The following HS6ST3 variants were observed in gnomAD, a reference collection of about 807,000 sequenced individuals.
The protein encoded by HS6ST3 is heparan sulfate 6-O-sulfotransferase 3.
HS6ST3 carries 12 observed loss-of-function variants against 36.7 expected under a neutral mutation model. The ratio of observed to expected loss-of-function variants is 0.33; its 90% CI spans 0.21 to 0.53. The LOEUF (loss-of-function observed/expected upper bound fraction) is 0.53. Among genes scored for constraint, HS6ST3 ranks in the 20% least tolerant of loss-of-function variants. The pLI, the probability that HS6ST3 is intolerant of heterozygous loss-of-function variation, is 0.95. For missense variants in HS6ST3, 584 were observed against 640.9 expected (o/e 0.91, Z 0.96); for synonymous variants, 240 against 257.5 (o/e 0.93, Z 0.65).
intron 1 of HS6ST3, among the ~76,000 whole-genome samples, chr13:96,363,893 C>T (rs138212779): frequency 2.0e-5 from 3 of 151,916 alleles, no homozygotes; most frequent in East Asian, 1.9e-4. Flanking sequence ...AGAGAACACT[C>T]GCTATTTCTC....
intron 1 of HS6ST3, among the ~76,000 whole-genome samples, chr13:96,252,498 T>C (rs1036027469): frequency 2.0e-5 from 3 of 152,154 alleles, no homozygotes; most frequent in East Asian, 3.9e-4. Flanking sequence ...TGCAGTCAGG[T>C]CTTGTGCTGA....
At chr13:96,585,715 T>G (rs1004434413) in intron 1 of HS6ST3, among the ~76,000 whole-genome samples, 22 of 152,202 alleles carry the variant, frequency 1.4e-4, no homozygotes, top group African/African-American at 5.1e-4. Flanking sequence ...GTATTTGTAT[T>G]TCTGTGCTTG....
At chr13:96,469,731 A>T (rs907659125) in intron 1 of HS6ST3, among the ~76,000 whole-genome samples, 1 of 151,992 alleles carries the variant, frequency 6.6e-6, no homozygotes, top group Non-Finnish European at 1.5e-5. Flanking sequence ...GGTGATGGTG[A>T]TGGTGGTGAT....
chr13:96,285,593 G>A (rs1187436186), intron 1 of HS6ST3, among the ~76,000 whole-genome samples: 2 of 152,254 alleles, frequency 1.3e-5, no homozygotes, highest in African/African-American at 2.4e-5. Context: ...AATATTTACC[G>A]TTACTCTAAT....
intron 1 of HS6ST3, among the ~76,000 whole-genome samples, chr13:96,545,786 C>T (rs778222450): frequency 1.3e-5 from 2 of 152,018 alleles, no homozygotes; most frequent in Admixed American, 6.6e-5. Flanking sequence ...TAGGAAAATC[C>T]GATAGCTACT....
At chr13:96,778,788 A>G (rs1366904608) in intron 1 of HS6ST3, among the ~76,000 whole-genome samples, 1 of 152,188 alleles carries the variant, frequency 6.6e-6, no homozygotes, top group Non-Finnish European at 1.5e-5. Context: ...AGAACCAGAA[A>G]TAGCATTTGA....
chr13:96,712,591 A>G (rs1566436078), intron 1 of HS6ST3, among the ~76,000 whole-genome samples: 1 of 152,170 alleles, frequency 6.6e-6, no homozygotes, highest in Non-Finnish European at 1.5e-5. Context: ...GGGAGCGCCA[A>G]ATAGCAGTTT....
intron 1 of HS6ST3, among the ~76,000 whole-genome samples, chr13:96,681,268 C>A (rs2056717500): frequency 6.6e-6 from 1 of 152,126 alleles, no homozygotes; most frequent in Non-Finnish European, 1.5e-5. Context: ...TGTTTGCAAC[C>A]AATCACCTTT....
chr13:96,099,420 G>A (rs957800989), intron 1 of HS6ST3, among the ~76,000 whole-genome samples: 1 of 152,126 alleles, frequency 6.6e-6, no homozygotes, highest in Non-Finnish European at 1.5e-5. Context: ...TATTCACTGG[G>A]CACTCAGTCC....
intron 1 of HS6ST3, among the ~76,000 whole-genome samples, chr13:96,424,513 G>A (rs401152): frequency 0.027 from 4,181 of 152,240 alleles, 204 homozygotes; most frequent in African/African-American, 0.096. Context: ...ACCATCAACT[G>A]GATAGCATAC....
chr13:96,688,244 A>ATAATAAT lies in HS6ST3; in HGVS notation c.708-144246_708-144245insTAATAAT, dbSNP rs1566430088. On this transcript the variant is annotated intron_variant, in intron 1 of 1. Transcript: ENST00000376705. ...AATAATAATCATCATCATCATAATA[A>ATAATAAT]AAAGACTCTCTCTGGCTTCAAATTT... Among the ~76,000 whole-genome samples, 6 of 150,936 alleles carry ATAATAAT rather than the reference A, an allele frequency of 4.0e-5. 1 individual carries two copies. Among genetic ancestry groups the ATAATAAT allele is most frequent in the Admixed American group, 6.6e-5 (1 of 15,106 alleles).
rs74323006 is a variant in HS6ST3, at chr13:96,663,461, A to G, written c.708-169029A>G. Reference sequence around the variant, plus strand: ...TAAAGCCACAGTTAGGTGCCATTATATATCCATAAGAATGGCTAAAATCAA... The same window carrying G: ...TAAAGCCACAGTTAGGTGCCATTATGTATCCATAAGAATGGCTAAAATCAA... On this transcript the variant is annotated intron_variant, in intron 1 of 1. Coordinates refer to ENST00000376705, the MANE Select transcript of HS6ST3 (RefSeq NM_153456.4). Among the ~76,000 whole-genome samples the G allele has an allele frequency of 1.9e-3, 293 of 152,334 alleles. 3 individuals carry two copies. In the East Asian group the frequency reaches 0.033, roughly 17 times the overall value.
intron 1 of HS6ST3, among the ~76,000 whole-genome samples, chr13:96,275,540 A>G (rs2054743989): frequency 6.6e-6 from 1 of 152,198 alleles, no homozygotes; most frequent in South Asian, 2.1e-4. Context: ...AGAAATTTCT[A>G]ATCACAATAG....
intron 1 of HS6ST3, among the ~76,000 whole-genome samples, chr13:96,758,500 T>C (rs1876887749): frequency 6.6e-6 from 1 of 151,902 alleles, no homozygotes; most frequent in Non-Finnish European, 1.5e-5. Flanking sequence ...TGGAAACATA[T>C]CATTGTTATT....
intron 1 of HS6ST3, among the ~76,000 whole-genome samples, chr13:96,762,007 T>C (rs775502052): frequency 6.6e-6 from 1 of 152,024 alleles, no homozygotes; most frequent in Non-Finnish European, 1.5e-5. Flanking sequence ...TAGACACATA[T>C]ATACACACAG....
At chr13:96,760,486 A>G (rs1404993800) in intron 1 of HS6ST3, among the ~76,000 whole-genome samples, 3 of 134,836 alleles carry the variant, frequency 2.2e-5, no homozygotes, top group Non-Finnish European at 5.0e-5. Context: ...GTTGTTCTGT[A>G]AAAAAAAAAA....
intron 1 of HS6ST3, among the ~76,000 whole-genome samples, chr13:96,150,313 G>A (rs569143384): frequency 2.0e-4 from 30 of 152,046 alleles, no homozygotes; most frequent in Non-Finnish European, 3.5e-4. Context: ...TTGGTTAAGA[G>A]GCATCATTCA....
chr13:96,477,210 C>T (rs1216345415), intron 1 of HS6ST3, among the ~76,000 whole-genome samples: 2 of 152,134 alleles, frequency 1.3e-5, no homozygotes, highest in Non-Finnish European at 2.9e-5. Context: ...GAATTCTCTC[C>T]ACTATCCTGT....
rs1382184608 is a variant in HS6ST3 at position 96,112,604 on chromosome 13, T to C, written c.707+21035T>C. ...ATATATATATATATATATATATATA[T>C]ATATATATATATATATATGCCCGGC... On this transcript the variant is annotated intron_variant, in intron 1 of 1. Coordinates refer to ENST00000376705, the MANE Select transcript of HS6ST3 (RefSeq NM_153456.4). Among the ~76,000 whole-genome samples, 868 of 119,906 alleles carry C rather than the reference T, an allele frequency of 7.2e-3. 53 individuals carry two copies. Among genetic ancestry groups the C allele is most frequent in the East Asian group, 9.2e-3 (35 of 3,796 alleles). 78.7% of individuals were successfully genotyped at this position (119,906 alleles called of 152,430 possible).
Sources: allele counts gnomAD v4.1 joint callset (sites outside exome capture counted in the v4.1 genomes callset), GRCh38; gene constraint gnomAD v4.1.1; transcripts MANE v1.5; gene names NCBI Gene and HGNC (gene_info 2026-07-23, HGNC 2026-07-21).